Variants in USF3 observed in about 807,000 individuals in gnomAD.
The protein encoded by USF3 is upstream transcription factor family member 3.
In USF3, 29 loss-of-function variants were observed where a neutral mutation model predicts 157.5. That is an observed-to-expected ratio of 0.18 (90% CI 0.14 to 0.25). USF3 has a LOEUF of 0.25. USF3 is among the 10% of genes least tolerant of loss of function. The probability of loss-of-function intolerance (pLI) is 1.00; values close to 1 mark genes in which losing one functional copy is unlikely to be tolerated. For missense variants in USF3, 2,381 were observed against 2,667.6 expected, an observed-to-expected ratio of 0.89 and a Z score of 2.37; for synonymous variants, 893 against 941.4, an observed-to-expected ratio of 0.95 and a Z score of 0.94.
chr3:113,680,792 T>C (rs1707401597), intron 1 of USF3, among the ~76,000 whole-genome samples: 1 of 146,632 alleles, frequency 6.8e-6, no homozygotes, highest in South Asian at 2.2e-4. Context: ...AATGAGATAC[T>C]GTCTCCAAAA....
Position 113,656,736 on chromosome 3 carries a change from C to T in USF3, c.4946G>A (p.Arg1649Lys). 1 of 1,614,156 alleles carries T rather than the reference C, an allele frequency of 6.2e-7. No individual in the cohort carries two copies. Among genetic ancestry groups the T allele is most frequent in the Non-Finnish European group, 8.5e-7 (1 of 1,180,028 alleles). The part of the protein sequence containing the change: ...QMVSQPSIVT[R>K]SSDMTCTPHR... ...TGGAGTACAGGTCATGTCTGAAGAT[C>T]TAGTCACAATACTTGGTTGGGACAC... Residue 1649 changes from arginine (R) to lysine (K), a missense_variant, in exon 7 of 7, where the codon AGA becomes AAA. Coordinates refer to ENST00000316407, the MANE Select transcript of USF3 (RefSeq NM_001009899.4).
Position 113,665,803 on chromosome 3 carries a change from G to A in USF3, c.160-1394C>T, listed in dbSNP as rs952561935. Among the ~76,000 whole-genome samples, 3 of 152,296 alleles carry A rather than the reference G, an allele frequency of 2.0e-5. No homozygotes were observed. In the East Asian group the frequency reaches 5.8e-4, roughly 29 times the overall value. The stretch of plus-strand genomic sequence containing the variant: ...AGATCCTGCCACTGCACTCCAGCTT[G>A]GGCAACAGAGTGAGATTCTGTCTCA... On this transcript the variant is annotated intron_variant, in intron 5 of 6. Transcript: ENST00000316407.
At position 113,661,331 on chromosome 3, in the gene USF3, T is replaced by G; in HGVS notation, c.351A>C (p.Leu117Phe). 1 of 1,613,464 alleles carries G rather than the reference T, an allele frequency of 6.2e-7. No homozygotes were observed. The highest frequency in any genetic ancestry group is 8.5e-7 in the Non-Finnish European group (1 of 1,179,456). ...IELLKANDICLYDDPTIHWKG... is the reference protein window; with the variant it reads ...IELLKANDICFYDDPTIHWKG... ...TCCAGTGAATTGTCGGGTCATCATA[T>G]AAGCATATGTCATTAGCTTTCAGTA... The change falls in exon 7 of 7, where the codon TTA (leucine) becomes TTC (phenylalanine). Residue 117 changes from leucine to phenylalanine, a missense_variant. Transcript: ENST00000316407.
intron 4 of USF3, among the ~76,000 whole-genome samples, chr3:113,671,296 A>G (rs1707148033): frequency 6.6e-6 from 1 of 152,202 alleles, no homozygotes; most frequent in Non-Finnish European, 1.5e-5. Context: ...TTGGATGACT[A>G]CTGGGCCTTT....
Position 113,649,939 on chromosome 3 carries a change from ATGTTCAGCC to A in USF3, c.*4996_*5004del. The A allele has an allele frequency of 1.5e-6, 1 of 686,542 alleles. No homozygotes were observed. Among genetic ancestry groups the A allele is most frequent in the African/African-American group, 1.8e-5 (1 of 56,318 alleles). The allele number at this position is 686,542 out of a possible 1,614,324, so 42.5% of individuals were successfully genotyped here. On this transcript the variant is annotated 3_prime_UTR_variant, in exon 7 of 7. Coordinates refer to ENST00000316407, the MANE Select transcript of USF3 (RefSeq NM_001009899.4). ...AAACCCTGGGGAAAGAAAAATGGTA[ATGTTCAGCC>A]AAAAAGGCATCTTGAGAAGAAACTA...
chr3:113,684,711 C>T (rs1707510145), intron 1 of USF3, among the ~76,000 whole-genome samples: 2 of 151,988 alleles, frequency 1.3e-5, no homozygotes, highest in Non-Finnish European at 2.9e-5. Flanking sequence ...TTATTTTAAT[C>T]TCTTCATTAA....
chr3:113,671,100 G>A (rs1227165015), intron 4 of USF3, among the ~76,000 whole-genome samples: 3 of 152,180 alleles, frequency 2.0e-5, no homozygotes, highest in South Asian at 2.1e-4. Context: ...AAAACAAATA[G>A]GAATTGCTAA....
intron 1 of USF3, among the ~76,000 whole-genome samples, chr3:113,688,936 C>G (rs996932667): frequency 2.6e-5 from 4 of 152,214 alleles, no homozygotes; most frequent in Non-Finnish European, 5.9e-5. Flanking sequence ...GAGGCTGAGG[C>G]CGGAGAATGG....
intron 5 of USF3, among the ~76,000 whole-genome samples, chr3:113,665,783 C>G (rs994070693): frequency 7.9e-5 from 12 of 152,188 alleles, no homozygotes; most frequent in African/African-American, 2.7e-4. Flanking sequence ...AAGTGAGATC[C>G]TGCCACTGCA....
intron 6 of USF3, among the ~76,000 whole-genome samples, chr3:113,662,369 G>T (rs539023060): frequency 3.3e-5 from 5 of 152,150 alleles, no homozygotes; most frequent in Non-Finnish European, 5.9e-5. Flanking sequence ...CTTCACCTAT[G>T]AGTACCACTA....
In USF3 at chr3:113,655,282, T is replaced by C. The variant is rs753865249; in HGVS notation, c.6400A>G (p.Met2134Val). The change falls in exon 7 of 7, where the codon ATG (methionine) becomes GTG (valine). Residue 2134 changes from methionine to valine, a missense_variant. This residue lies in a region of USF3 where 770 missense variants were observed against 824.2 expected (regional missense o/e 0.93). Coordinates refer to ENST00000316407, the MANE Select transcript of USF3 (RefSeq NM_001009899.4). ...TTCTCTGTGCTAGGATTTGAGAACA[T>C]CTGATTAGGAAAATAGGGGATTGAA... Reference protein sequence around the residue: ...DISIPYFPNQMFSNPSTEKVN... With the variant: ...DISIPYFPNQVFSNPSTEKVN... 1.4e-5 allele frequency: 23 copies of C among 1,614,010 alleles called. No individual in the cohort carries two copies. The highest frequency in any genetic ancestry group is 1.7e-6 in the Non-Finnish European group (2 of 1,180,002).
intron 2 of USF3, among the ~76,000 whole-genome samples, chr3:113,675,417 T>G (rs949562183): frequency 6.6e-6 from 1 of 152,212 alleles, no homozygotes; most frequent in African/African-American, 2.4e-5. Context: ...AACTTCAAAC[T>G]GCTAGAAGTC....
At chr3:113,662,146 C>T (rs1005179695) in intron 6 of USF3, among the ~76,000 whole-genome samples, 4 of 152,200 alleles carry the variant, frequency 2.6e-5, no homozygotes, top group East Asian at 3.8e-4. Context: ...CATGCCCAGC[C>T]GACAGTCTCT....
intron 5 of USF3, among the ~76,000 whole-genome samples, chr3:113,666,112 A>G (rs1947561395): frequency 6.6e-6 from 1 of 151,820 alleles, no homozygotes; most frequent in Non-Finnish European, 1.5e-5. Context: ...TGAACCCAGG[A>G]GGAGGAGGTT....
At chr3:113,661,550 C>T (rs1283997844) in intron 6 of USF3, 125 bp from the exon 7 acceptor site, 1 of 506,432 alleles carries the variant, frequency 2.0e-6, no homozygotes, top group African/African-American at 2.0e-5. Context: ...TCAACCGAGA[C>T]TCTTCAGCTC....
At position 113,657,619 on chromosome 3, in the gene USF3, C is replaced by G. The variant is rs1159298282; in HGVS notation, c.4063G>C (p.Glu1355Gln). ...GTTCTGCTCATCAGGGACATACTTT[C>G]AAGCCTGAGGGGGGCTGGCTGACAG... is the stretch of plus-strand genomic sequence containing the variant. ...KHCQPAPLRL[E>Q]SMSLMSRTPD... is the part of the protein sequence containing the mutation. Residue 1355 changes from glutamate (E) to glutamine (Q), a missense_variant, in exon 7 of 7, where the codon GAA (glutamate) becomes CAA (glutamine). Around this residue, in one of 6 missense-constraint regions of USF3, gnomAD observed 1,435 missense variants for 1,550.9 expected, o/e 0.93. Coordinates refer to ENST00000316407, the MANE Select transcript of USF3 (RefSeq NM_001009899.4). 7 of 1,614,096 alleles carry G rather than the reference C, an allele frequency of 4.3e-6. No individual in the cohort carries two copies. The highest frequency in any genetic ancestry group is 5.9e-6 in the Non-Finnish European group (7 of 1,180,042).
In USF3 at chr3:113,660,189, A is replaced by C. The variant is rs2107925524; in HGVS notation, c.1493T>G (p.Leu498Trp). ...CATAGGTAAAGATGGACAAGAAGGC[A>C]ATGTTACAACTACTTGCTCAACTGG... ...GQPVEQVVVT[L>W]PSCPSLPMQP... Residue 498 changes from leucine to tryptophan, a missense_variant, in exon 7 of 7, where the codon TTG becomes TGG. This residue lies in a region of USF3 where 1,435 missense variants were observed against 1,550.9 expected (regional missense o/e 0.93). Transcript: ENST00000316407. The C allele has an allele frequency of 6.2e-7, 1 of 1,614,182 alleles. No individual in the cohort carries two copies. Among genetic ancestry groups the C allele is most frequent in the Non-Finnish European group, 8.5e-7 (1 of 1,180,034 alleles).
Position 113,696,440 on chromosome 3 carries a change from A to C in USF3, c.-205T>G, listed in dbSNP as rs1301660466. 6.6e-6 allele frequency: 1 copy of C among 150,566 alleles called. No individual in the cohort carries two copies. Among genetic ancestry groups the C allele is most frequent in the Non-Finnish European group, 1.5e-5 (1 of 67,778 alleles). The allele number at this position is 150,566 out of a possible 1,614,324, so 9.3% of individuals were successfully genotyped here. On this transcript the variant is annotated 5_prime_UTR_variant, in exon 1 of 7. Coordinates refer to ENST00000316407, the MANE Select transcript of USF3 (RefSeq NM_001009899.4). ...CGACCCCCGCCTGGGTCATGATCCCAGGAGGGGAAGGCAGGAGTGTCTGAC... is the reference window on the plus strand; with the variant it reads ...CGACCCCCGCCTGGGTCATGATCCCCGGAGGGGAAGGCAGGAGTGTCTGAC...
At chr3:113,682,892 CTTT>C (rs1172015682) in intron 1 of USF3, among the ~76,000 whole-genome samples, 2 of 120,200 alleles carry the variant, frequency 1.7e-5, no homozygotes, top group African/African-American at 6.1e-5. Context: ...GATCGCTGGG[CTTT>C]TTTTTTTTTT....
Sources: gnomAD v4.1 joint callset for allele counts (sites outside exome capture counted in the v4.1 genomes callset) on GRCh38, gnomAD v4.1.1 for gene constraint, gnomAD v4.1.1 regional missense constraint, MANE v1.5 for transcripts, NCBI Gene and HGNC (gene_info 2026-07-23, HGNC 2026-07-21) for gene names.